Variants in ARHGEF6 observed in about 807,000 individuals in gnomAD.
ARHGEF6 encodes the protein Rac/Cdc42 guanine nucleotide exchange factor 6.
ARHGEF6 carries 9 observed loss-of-function variants against 70.3 expected under a neutral mutation model. That is an observed-to-expected ratio of 0.13 (90% confidence interval 0.08 to 0.22). The LOEUF (loss-of-function observed/expected upper bound fraction) is 0.22, where lower values mean the gene tolerates loss of function less well. ARHGEF6 is among the 10% of genes least tolerant of loss of function. The probability of loss-of-function intolerance (pLI) is 1.00; values close to 1 mark genes in which losing one functional copy is unlikely to be tolerated. For synonymous variants in ARHGEF6, 201 were observed against 207.8 expected (o/e 0.97, Z 0.28); for missense variants, 470 against 563.0 (o/e 0.83, Z 1.67).
At chrX:136,777,761 T>TACACACACAC (rs376800070) in intron 2 of ARHGEF6, among the ~76,000 whole-genome samples, 30,802 of 98,038 alleles carry the variant, frequency 0.31, 5,059 homozygotes, top group Non-Finnish European at 0.47. Context: ...TATGTATACA[T>TACACACACAC]ACACACACAC....
At chrX:136,748,116 C>G (rs1357255164) in intron 2 of ARHGEF6, among the ~76,000 whole-genome samples, 1 of 111,867 alleles carries the variant, frequency 8.9e-6, no homozygotes, top group Non-Finnish European at 1.9e-5. Context: ...CCCGCTGCAT[C>G]CCAACTGCCT....
intron 4 of ARHGEF6, among the ~76,000 whole-genome samples, chrX:136,744,937 G>A (rs978886809): frequency 1.8e-5 from 2 of 112,332 alleles, no homozygotes; most frequent in South Asian, 7.4e-4. Flanking sequence ...ACTGCCATCA[G>A]AAAGTAGCCA....
rs1430442989 is a variant in ARHGEF6, at chrX:136,680,787, G to A, written c.1648C>T (p.Pro550Ser). Residue 550 changes from proline to serine, a missense_variant, in exon 15 of 22, where the codon CCT (proline) becomes TCT (serine). By Grantham distance (74) the Pro-to-Ser change is moderately conservative (BLOSUM62 -1). Around this residue, in one of 3 missense-constraint regions of ARHGEF6, gnomAD observed 379 missense variants for 449.3 expected, o/e 0.84. Transcript: ENST00000250617. ...TTGGATAATGAACTGCAAGAGGCAGGTCCTCTGATCAGTCTGTTCAGCTGC... is the reference window on the plus strand; with the variant it reads ...TTGGATAATGAACTGCAAGAGGCAGATCCTCTGATCAGTCTGTTCAGCTGC... ...LEQLNRLIRG[P>S]ASCSSLSKTS... The A allele has an allele frequency of 8.3e-7, 1 of 1,211,288 alleles. No homozygotes were observed.
chrX:136,758,807 G>A (rs747145434), intron 2 of ARHGEF6, among the ~76,000 whole-genome samples: 2 of 111,235 alleles, frequency 1.8e-5, no homozygotes, highest in East Asian at 5.6e-4. Context: ...TATCTAAAAT[G>A]AAATTTTAGA....
At chrX:136,759,499 A>G (rs964433396) in intron 2 of ARHGEF6, among the ~76,000 whole-genome samples, 1 of 110,649 alleles carries the variant, frequency 9.0e-6, no homozygotes, top group Non-Finnish European at 1.9e-5. Context: ...ACATAGTGGC[A>G]CATGACTGTA....
intron 11 of ARHGEF6, 82 bp from the exon 12 acceptor site, chrX:136,685,905 T>C (rs1343261944): frequency 4.1e-5 from 44 of 1,072,320 alleles, no homozygotes; most frequent in Non-Finnish European, 5.7e-5. Context: ...ATGTGGCTTC[T>C]GACTCTTTGG....
intron 6 of ARHGEF6, among the ~76,000 whole-genome samples, chrX:136,723,397 A>G (rs1229070483): frequency 8.9e-6 from 1 of 112,021 alleles, no homozygotes; most frequent in African/African-American, 3.2e-5. Context: ...TCTGACTCCA[A>G]GTCCTTATGC....
chrX:136,739,267 T>C (rs1361457147), intron 5 of ARHGEF6, among the ~76,000 whole-genome samples: 1 of 112,097 alleles, frequency 8.9e-6, no homozygotes, highest in Non-Finnish European at 1.9e-5. Flanking sequence ...CCACTCCTTA[T>C]GTTATTGTTA....
intron 3 of ARHGEF6, among the ~76,000 whole-genome samples, chrX:136,745,776 C>T (rs1489547003): frequency 2.7e-5 from 3 of 111,968 alleles, no homozygotes; most frequent in Non-Finnish European, 5.6e-5. Context: ...TCACACGTAA[C>T]AATATGTGTG....
At chrX:136,757,660 G>T (rs1454010851) in intron 2 of ARHGEF6, among the ~76,000 whole-genome samples, 1 of 111,633 alleles carries the variant, frequency 9.0e-6, no homozygotes, top group Non-Finnish European at 1.9e-5. Flanking sequence ...TACACAACAG[G>T]CTTCCCTATT....
intron 3 of ARHGEF6, among the ~76,000 whole-genome samples, chrX:136,746,090 A>T (rs764624862): frequency 1.5e-4 from 17 of 112,116 alleles, no homozygotes; most frequent in Non-Finnish European, 3.0e-4. Flanking sequence ...CTAAAGCCCA[A>T]ACATTCCCTA....
chrX:136,715,323 C>T lies in ARHGEF6; in HGVS notation c.733-1953G>A, dbSNP rs576749412. Among the ~76,000 whole-genome samples the T allele has an allele frequency of 7.2e-5, 8 of 111,000 alleles. No homozygotes were observed. The South Asian group carries it at 3.1e-3, about 43-fold the overall frequency. On this transcript the variant is annotated intron_variant, in intron 6 of 21. Coordinates refer to ENST00000250617, the MANE Select transcript of ARHGEF6 (RefSeq NM_004840.3). The stretch of plus-strand genomic sequence containing the variant: ...AAAATGAAAACACAACATACAAAAA[C>T]TCATGGGGTGCAGTTAAACAGTGCT...
intron 5 of ARHGEF6, among the ~76,000 whole-genome samples, chrX:136,741,383 AT>A (rs1403319652): frequency 9.0e-6 from 1 of 111,633 alleles, no homozygotes; most frequent in East Asian, 2.8e-4. Flanking sequence ...TCTTAATAAC[AT>A]TTTCTTTTCC....
intron 2 of ARHGEF6, among the ~76,000 whole-genome samples, chrX:136,761,673 T>C (rs2077264717): frequency 8.9e-6 from 1 of 112,251 alleles, no homozygotes; most frequent in African/African-American, 3.2e-5. Context: ...CAACTTTGTT[T>C]TGCCTTCTAG....
chrX:136,697,281 A>C (rs4439284), intron 9 of ARHGEF6, among the ~76,000 whole-genome samples: 6,322 of 111,780 alleles, frequency 0.057, 461 homozygotes, highest in African/African-American at 0.19. Flanking sequence ...TAGTAAGCCA[A>C]TAAAAGGAGG....
In ARHGEF6 at chrX:136,667,895, AAG is replaced by A. The variant is rs933932936; in HGVS notation, c.*132_*133del. The A allele has an allele frequency of 1.2e-6, 1 of 853,029 alleles. No homozygotes were observed. The highest frequency in any genetic ancestry group is 2.0e-5 in the African/African-American group (1 of 49,512). The allele number at this position is 853,029 out of a possible 1,213,427, so 70.3% of individuals were successfully genotyped here. On this transcript the variant is annotated 3_prime_UTR_variant, in exon 22 of 22. Transcript: ENST00000250617. ...ATGCACACAGCGGGGAGAGAAAGAG[AAG>A]AGAGAGGGAGAGAGAGAGAGAGACT...
At chrX:136,750,565 C>T (rs2077139261) in intron 2 of ARHGEF6, among the ~76,000 whole-genome samples, 2 of 111,402 alleles carry the variant, frequency 1.8e-5, no homozygotes, top group South Asian at 7.5e-4. Flanking sequence ...TCCCTCCCTC[C>T]ATTCATCTTA....
chrX:136,764,660 C>T (rs996550333), intron 2 of ARHGEF6, among the ~76,000 whole-genome samples: 2 of 111,008 alleles, frequency 1.8e-5, no homozygotes, highest in African/African-American at 6.6e-5. Context: ...GGAAGGGGCA[C>T]GAGGATAGCT....
At position 136,769,924 on chromosome X, in the gene ARHGEF6, T is replaced by G. The variant is rs1217165606; in HGVS notation, c.249+9490A>C. Among the ~76,000 whole-genome samples, 3 of 112,586 alleles carry G rather than the reference T, an allele frequency of 2.7e-5. No individual in the cohort carries two copies. In the East Asian group the frequency reaches 8.3e-4, roughly 31 times the overall value. On this transcript the variant is annotated intron_variant, in intron 2 of 21. Coordinates refer to ENST00000250617, the MANE Select transcript of ARHGEF6 (RefSeq NM_004840.3). Reference sequence around the variant, plus strand: ...AATAGACTATAAAGGGATAAGAGGATGTCCAAACTCATTAGTAATCATGAA... The same window carrying G: ...AATAGACTATAAAGGGATAAGAGGAGGTCCAAACTCATTAGTAATCATGAA...
Sources: allele counts gnomAD v4.1 joint callset (sites outside exome capture counted in the v4.1 genomes callset), GRCh38; gene constraint gnomAD v4.1.1; regional missense constraint gnomAD v4.1.1; transcripts MANE v1.5; gene names NCBI Gene and HGNC (gene_info 2026-07-23, HGNC 2026-07-21).